The following NYNRIN variants were observed in gnomAD, a reference collection of about 807,000 sequenced individuals.
NYNRIN encodes the protein NYN domain and retroviral integrase containing.
Under a neutral mutation model 146.6 loss-of-function variants are expected in NYNRIN, and 86 were observed. The observed-to-expected ratio is 0.59, with a 90% CI of 0.49 to 0.70. The LOEUF (loss-of-function observed/expected upper bound fraction) is 0.70, where lower values mean the gene tolerates loss of function less well. NYNRIN is among the 30% of genes least tolerant of loss of function. The pLI is 0.00. For synonymous variants in NYNRIN, 1,027 were observed against 1,001.3 expected, an observed-to-expected ratio of 1.03 and a Z score of -0.48; for missense variants, 2,191 against 2,377.7, an observed-to-expected ratio of 0.92 and a Z score of 1.63.
rs756558357 is a variant in NYNRIN at position 24,399,426 on chromosome 14, G to T, written c.180G>T (p.Glu60Asp). The T allele has an allele frequency of 1.9e-6, 3 of 1,612,536 alleles. No homozygotes were observed. Among genetic ancestry groups the T allele is most frequent in the South Asian group, 2.2e-5 (2 of 90,880 alleles). Reference sequence around the variant, plus strand: ...GGCTACAGCTCGAGGGGCCCCGAGAGAACATGGGCAAAGCCAAGGTAAACA... The same window carrying T: ...GGCTACAGCTCGAGGGGCCCCGAGATAACATGGGCAAAGCCAAGGTAAACA... ...YFWLQLEGPR[E>D]NMGKAKEYLK... is the part of the protein sequence containing the mutation. The change falls in exon 2 of 9, where the codon GAG becomes GAT. Residue 60 changes from glutamate to aspartate, a missense_variant. Physicochemically the swap from Glu to Asp is conservative, Grantham distance 45. Coordinates refer to ENST00000382554, the MANE Select transcript of NYNRIN (RefSeq NM_025081.3).
Position 24,417,530 on chromosome 14 carries a change from C to T in NYNRIN, c.*84C>T. 1 of 1,404,840 alleles carries T rather than the reference C, an allele frequency of 7.1e-7. No homozygotes were observed. The highest frequency in any genetic ancestry group is 1.7e-5 in the South Asian group (1 of 57,918). The allele number at this position is 1,404,840 out of a possible 1,614,324, so 87.0% of individuals were successfully genotyped here. The stretch of plus-strand genomic sequence containing the variant: ...CCCCTGTCCCAGCAGTGCTCTCAGT[C>T]CACTGGGGGCCCTCAGTTGTGCCTT... On this transcript the variant is annotated 3_prime_UTR_variant, in exon 9 of 9. Transcript: ENST00000382554.
At position 24,415,318 on chromosome 14, in the gene NYNRIN, C is replaced by T; in HGVS notation, c.3569C>T (p.Ser1190Leu). 5 of 1,613,960 alleles carry T rather than the reference C, an allele frequency of 3.1e-6. No homozygotes were observed. The highest frequency in any genetic ancestry group is 4.2e-6 in the Non-Finnish European group (5 of 1,179,874). The stretch of plus-strand genomic sequence containing the variant: ...AGGAAGCACCCCATAGCCTATACCT[C>T]AAAACCCCTCCTCCCTGATGAGGAG... The part of the protein sequence containing the change: ...SGRKHPIAYT[S>L]KPLLPDEESQ... The change falls in exon 9 of 9, where the codon TCA becomes TTA. Residue 1190 changes from serine to leucine, a missense_variant. By Grantham distance (145) the Ser-to-Leu change is moderately radical. Transcript: ENST00000382554.
chr14:24,409,050 A>G lies in NYNRIN; in HGVS notation c.1256A>G (p.Lys419Arg), dbSNP rs775964488. The change falls in exon 4 of 9, where the codon AAG (lysine) becomes AGG (arginine). Residue 419 changes from lysine to arginine, a missense_variant. Physicochemically the swap from Lys to Arg is conservative, Grantham distance 26. Transcript: ENST00000382554. ...CCCTTAAATCTGGAGTGGAAGCAGAAGGAGCTGGCTCCTCTGCCTAGTGCA... is the reference window on the plus strand; with the variant it reads ...CCCTTAAATCTGGAGTGGAAGCAGAGGGAGCTGGCTCCTCTGCCTAGTGCA... ...PLPLNLEWKQ[K>R]ELAPLPSAES... 6.2e-7 allele frequency: 1 copy of G among 1,613,502 alleles called. No individual in the cohort carries two copies. Among genetic ancestry groups the G allele is most frequent in the South Asian group, 1.1e-5 (1 of 91,006 alleles).
chr14:24,415,437 C>T lies in NYNRIN; in HGVS notation c.3688C>T (p.Leu1230=), dbSNP rs753861547. The change falls in exon 9 of 9, where the codon CTG becomes TTG. Residue 1230 remains leucine (L), a synonymous_variant. Coordinates refer to ENST00000382554, the MANE Select transcript of NYNRIN (RefSeq NM_025081.3). ...SRCIGDTPVV[L]DLSYASRTTA... is the part of the protein sequence containing the mutation. ...CTGCATTGGAGACACCCCGGTGGTCCTGGACCTTTCCTATGCCTCCCGGAC... is the reference window on the plus strand; with the variant it reads ...CTGCATTGGAGACACCCCGGTGGTCTTGGACCTTTCCTATGCCTCCCGGAC... 1.9e-6 allele frequency: 3 copies of T among 1,613,940 alleles called. No individual in the cohort carries two copies. The South Asian group carries it at 3.3e-5, about 18-fold the overall frequency.
In NYNRIN at chr14:24,416,901, G is replaced by T. The variant is rs374589341; in HGVS notation, c.5152G>T (p.Ala1718Ser). 9 of 1,604,550 alleles carry T rather than the reference G, an allele frequency of 5.6e-6. No homozygotes were observed. In the African/African-American group the frequency reaches 1.2e-4, roughly 21 times the overall value. ...GTTCCCCTGCCTGACGAGCTCAGGG[G>T]CCTACTGGGAATTCAAGAGGGCCCT... is the stretch of plus-strand genomic sequence containing the variant. ...LQFPCLTSSGAYWEFKRALKE... is the reference protein window; with the variant it reads ...LQFPCLTSSGSYWEFKRALKE... The change falls in exon 9 of 9, where the codon GCC becomes TCC. Residue 1718 changes from alanine to serine, a missense_variant. Coordinates refer to ENST00000382554, the MANE Select transcript of NYNRIN (RefSeq NM_025081.3).
At chr14:24,399,472 A>T (rs1249478819) in intron 2 of NYNRIN, 28 bp downstream of exon 2, 1 of 1,456,704 alleles carries the variant, frequency 6.9e-7, no homozygotes, top group African/African-American at 1.9e-5. Context: ...ACCCCCACCC[A>T]TCTCTTCCAG....
chr14:24,410,482 T>C (rs901695380), intron 4 of NYNRIN, among the ~76,000 whole-genome samples: 1 of 152,214 alleles, frequency 6.6e-6, no homozygotes, highest in African/African-American at 2.4e-5. Flanking sequence ...CCAAGATCCC[T>C]GAGCCAGCAA....
intron 2 of NYNRIN, among the ~76,000 whole-genome samples, chr14:24,404,984 C>A (rs1468216343): frequency 1.4e-5 from 2 of 145,752 alleles, no homozygotes; most frequent in African/African-American, 5.1e-5. Flanking sequence ...CGGGAAGCTA[C>A]TTGCCAAGCC....
In NYNRIN at chr14:24,411,362, T is replaced by G; in HGVS notation, c.2554T>G (p.Phe852Val). 6.2e-7 allele frequency: 1 copy of G among 1,613,978 alleles called. No homozygotes were observed. Among genetic ancestry groups the G allele is most frequent in the African/African-American group, 1.3e-5 (1 of 75,036 alleles). ...CTGCCTTTCACCCCCAGAGAGCCAC[T>G]TTCTGACGAAGCTACACTCGCTCAA... The part of the protein sequence containing the change: ...KKNRRVRESH[F>V]LTKLHSLKML... Residue 852 changes from phenylalanine (F) to valine (V), a missense_variant, in exon 6 of 9, where the codon TTT (phenylalanine) becomes GTT (valine). By Grantham distance (50) the Phe-to-Val change is conservative. Transcript: ENST00000382554. This position sits in a 1 kb window ranked among gnomAD's most constrained non-coding sequence, Gnocchi z 4.3.
At chr14:24,399,476 C>T (rs2042827075) in intron 2 of NYNRIN, 32 bp downstream of exon 2, 20 of 1,553,504 alleles carry the variant, frequency 1.3e-5, no homozygotes, top group Non-Finnish European at 1.7e-5. Flanking sequence ...CCACCCATCT[C>T]TTCCAGCCAG....
chr14:24,409,292 A>C lies in NYNRIN; in HGVS notation c.1498A>C (p.Ser500Arg), dbSNP rs944909212. The stretch of plus-strand genomic sequence containing the variant: ...TGGAGGTGAGCCGGGGGATCAAGGG[A>C]GTATGCAGTTAGATTTTAAGGGACT... ...QAGGEPGDQG[S>R]MQLDFKGLEE... is the part of the protein sequence containing the mutation. The change falls in exon 4 of 9, where the codon AGT becomes CGT. Residue 500 changes from serine to arginine, a missense_variant. Coordinates refer to ENST00000382554, the MANE Select transcript of NYNRIN (RefSeq NM_025081.3). The C allele has an allele frequency of 1.8e-5, 29 of 1,613,902 alleles. No individual in the cohort carries two copies. The highest frequency in any genetic ancestry group is 2.3e-5 in the Non-Finnish European group (27 of 1,179,894).
Position 24,414,693 on chromosome 14 carries a change from C to A in NYNRIN, c.2944C>A (p.Pro982Thr), listed in dbSNP as rs181160538. 9.7e-4 allele frequency: 1,560 copies of A among 1,613,536 alleles called. 4 individuals are homozygous for A. The highest frequency in any genetic ancestry group is 8.9e-3 in the Middle Eastern group (54 of 6,044). The change falls in exon 9 of 9, where the codon CCC (proline) becomes ACC (threonine). Residue 982 changes from proline (P) to threonine (T), a missense_variant. Around this residue, in one of 3 missense-constraint regions of NYNRIN, gnomAD observed 1,291 missense variants for 1,417.0 expected, o/e 0.91. Coordinates refer to ENST00000382554, the MANE Select transcript of NYNRIN (RefSeq NM_025081.3). Reference protein sequence around the residue: ...TELSDDADSGPLESLPNMEEV... With the variant: ...TELSDDADSGTLESLPNMEEV... ...GCTGAGTGATGACGCTGACTCTGGG[C>A]CCCTGGAGAGTCTGCCGAATATGGA...
At position 24,408,124 on chromosome 14, in the gene NYNRIN, C is replaced by T. The variant is rs376552671; in HGVS notation, c.454C>T (p.Arg152Trp). Residue 152 changes from arginine (R) to tryptophan (W), a missense_variant, in exon 3 of 9, where the codon CGG becomes TGG. This residue lies in a region of NYNRIN where 895 missense variants were observed against 941.2 expected (regional missense o/e 0.95). Coordinates refer to ENST00000382554, the MANE Select transcript of NYNRIN (RefSeq NM_025081.3). ...RWGPAPLLTP[R>W]GIWEAEVTRA... ...GGGCCCTGCCCCTCTGCTGACCCCC[C>T]GGGGGATCTGGGAGGCTGAGGTGAC... 2.0e-5 allele frequency: 33 copies of T among 1,609,864 alleles called. No homozygotes were observed. In the Middle Eastern group the frequency reaches 8.3e-4, roughly 40 times the overall value.
In NYNRIN at chr14:24,405,007, TGTGTGTGTGTGTGTGTGTGTGA is replaced by T. The variant is rs952757454; in HGVS notation, c.199-2860_199-2839del. ...TACTTGCCAAGCCTGTGTGTGTGTG[TGTGTGTGTGTGTGTGTGTGTGA>T]GAGAATGTGTGTGTGTGAATGTGTG... On this transcript the variant is annotated intron_variant, in intron 2 of 8. Transcript: ENST00000382554. Among the ~76,000 whole-genome samples the T allele has an allele frequency of 3.2e-4, 5 of 15,726 alleles. No homozygotes were observed. In the Admixed American group the frequency reaches 4.9e-3, roughly 16 times the overall value. 10.3% of individuals were successfully genotyped at this position (15,726 alleles called of 152,430 possible). A position where few individuals can be genotyped will look rare whatever the true frequency, so the allele number is the denominator to read the frequency against.
At position 24,416,047 on chromosome 14, in the gene NYNRIN, G is replaced by A. The variant is rs752986848; in HGVS notation, c.4298G>A (p.Arg1433Gln). ...SLPFIYRTSYRGSLFAVTVDT... is the reference protein window; with the variant it reads ...SLPFIYRTSYQGSLFAVTVDT... ...CCGTTTATCTACCGAACCTCCTACC[G>A]GGGCTCTCTGTTTGCTGTGACAGTG... Residue 1433 changes from arginine (R) to glutamine (Q), a missense_variant, in exon 9 of 9, where the codon CGG (arginine) becomes CAG (glutamine). Physicochemically the swap from Arg to Gln is conservative, Grantham distance 43 (BLOSUM62 1). Transcript: ENST00000382554. The A allele has an allele frequency of 2.5e-5, 40 of 1,613,820 alleles. No homozygotes were observed. In the Admixed American group the frequency reaches 3.8e-4, roughly 15 times the overall value.
At chr14:24,399,542 C>T (rs1301705477) in intron 2 of NYNRIN, 98 bp downstream of exon 2, 1 of 1,088,964 alleles carries the variant, frequency 9.2e-7, no homozygotes, top group African/African-American at 1.6e-5. Context: ...ACCACCCACC[C>T]TGCCCCCGCC....
At position 24,416,857 on chromosome 14, in the gene NYNRIN, C is replaced by T. The variant is rs376539582; in HGVS notation, c.5108C>T (p.Ser1703Phe). 2 of 1,608,376 alleles carry T rather than the reference C, an allele frequency of 1.2e-6. No individual in the cohort carries two copies. The highest frequency in any genetic ancestry group is 1.7e-5 in the Admixed American group (1 of 59,522). Reference sequence around the variant, plus strand: ...CTGGCCCTGGGAGCCCAGGTGGCCTCCCTGAGTCGGGACCTCCAGTTCCCC... The same window carrying T: ...CTGGCCCTGGGAGCCCAGGTGGCCTTCCTGAGTCGGGACCTCCAGTTCCCC... The part of the protein sequence containing the change: ...CGLALGAQVA[S>F]LSRDLQFPCL... Residue 1703 changes from serine (S) to phenylalanine (F), a missense_variant, in exon 9 of 9, where the codon TCC (serine) becomes TTC (phenylalanine). By Grantham distance (155) the Ser-to-Phe change is radical. Coordinates refer to ENST00000382554, the MANE Select transcript of NYNRIN (RefSeq NM_025081.3).
Position 24,411,524 on chromosome 14 carries a change from C to T in NYNRIN, c.2642+74C>T. Reference sequence around the variant, plus strand: ...GGCTGGTGTGTCAGGTGGAGTCCGGCCTGTCTTCTCTGGGGAAATGGAGGC... The same window carrying T: ...GGCTGGTGTGTCAGGTGGAGTCCGGTCTGTCTTCTCTGGGGAAATGGAGGC... On this transcript the variant is annotated intron_variant, in intron 6 of 8. Coordinates refer to ENST00000382554, the MANE Select transcript of NYNRIN (RefSeq NM_025081.3). The surrounding 1 kb of genome is among the most constrained non-coding windows in gnomAD (Gnocchi z 4.3). 1 of 1,298,778 alleles carries T rather than the reference C, an allele frequency of 7.7e-7. No homozygotes were observed. Among genetic ancestry groups the T allele is most frequent in the Non-Finnish European group, 1.1e-6 (1 of 900,308 alleles). The allele number at this position is 1,298,778 out of a possible 1,614,324, so 80.5% of individuals were successfully genotyped here. A position where few individuals can be genotyped will look rare whatever the true frequency, so the allele number is the denominator to read the frequency against.
rs2042946087 is a variant in NYNRIN at position 24,416,333 on chromosome 14, TAAG to T, written c.4588_4590del (p.Lys1530del). ...GTGGCCTGCTTATGTTCAAGGGAGA[TAAG>T]AAGCCCAGGGTCTGGGTAGTCCCGA... On this transcript the variant is annotated inframe_deletion, in exon 9 of 9. Coordinates refer to ENST00000382554, the MANE Select transcript of NYNRIN (RefSeq NM_025081.3). 2 of 1,613,678 alleles carry T rather than the reference TAAG, an allele frequency of 1.2e-6. No individual in the cohort carries two copies. The highest frequency in any genetic ancestry group is 1.7e-6 in the Non-Finnish European group (2 of 1,179,780).
Sources: gnomAD v4.1 joint callset for allele counts (sites outside exome capture counted in the v4.1 genomes callset) on GRCh38, gnomAD v4.1.1 for gene constraint, gnomAD v4.1.1 regional missense constraint, Gnocchi (gnomAD v3.1) non-coding constraint, MANE v1.5 for transcripts, NCBI Gene and HGNC (gene_info 2026-07-23, HGNC 2026-07-21) for gene names.